The following METTL25 variants were observed in gnomAD, a reference collection of about 807,000 sequenced individuals.
METTL25 encodes probable methyltransferase-like protein 25.
METTL25 carries 64 observed loss-of-function variants against 71.6 expected under a neutral mutation model. That is an observed-to-expected ratio of 0.89 (90% CI 0.73 to 1.10). The LOEUF is 1.10. METTL25 is among the 50% of genes least tolerant of loss of function. The pLI, the probability that METTL25 is intolerant of heterozygous loss-of-function variation, is 0.00. For synonymous variants in METTL25, 287 were observed against 250.3 expected (o/e 1.15, Z -1.38); for missense variants, 807 against 707.0 (o/e 1.14, Z -1.60).
chr12:82,361,765 G>A (rs1328764850), intron 1 of METTL25, among the ~76,000 whole-genome samples: 3 of 152,188 alleles, frequency 2.0e-5, no homozygotes, highest in Non-Finnish European at 4.4e-5. Context: ...GCCAGCAAGC[G>A]TGGCGCGCAG....
At chr12:82,471,734 C>G (rs892121882) in intron 9 of METTL25, among the ~76,000 whole-genome samples, 3 of 152,154 alleles carry the variant, frequency 2.0e-5, no homozygotes, top group African/African-American at 7.2e-5. Flanking sequence ...GTTTGGAGAA[C>G]TTATTTAAAA....
intron 1 of METTL25, among the ~76,000 whole-genome samples, chr12:82,367,003 T>C (rs973941240): frequency 7.2e-5 from 11 of 152,230 alleles, no homozygotes; most frequent in Admixed American, 3.9e-4. Context: ...ATTTTTCTTT[T>C]TGTCTGTTTG....
At position 82,358,625 on chromosome 12, in the gene METTL25, G is replaced by A; in HGVS notation, c.60G>A (p.Leu20=). The change falls in exon 1 of 12, where the codon TTG becomes TTA. Residue 20 remains leucine, a synonymous_variant. Coordinates refer to ENST00000248306, the MANE Select transcript of METTL25 (RefSeq NM_032230.3). ...TPDLPTLRAK[L]QGLLQFLRDA... ...ACCTGCCCACGCTGCGTGCCAAGTT[G>A]CAGGGACTGCTGCAGTTCCTGAGGG... 2.5e-6 allele frequency: 4 copies of A among 1,613,970 alleles called. No homozygotes were observed. Among genetic ancestry groups the A allele is most frequent in the Non-Finnish European group, 3.4e-6 (4 of 1,180,042 alleles).
At chr12:82,440,303 G>T (rs11115276) in intron 8 of METTL25, among the ~76,000 whole-genome samples, 3 of 151,690 alleles carry the variant, frequency 2.0e-5, no homozygotes, top group African/African-American at 7.3e-5. Context: ...CTCTTTTTCA[G>T]AAGTCCACAT....
chr12:82,381,155 T>C (rs1192489878), intron 1 of METTL25, among the ~76,000 whole-genome samples: 2 of 152,258 alleles, frequency 1.3e-5, no homozygotes, highest in Admixed American at 1.3e-4. Context: ...AACTTATACA[T>C]GGTAGGTACC....
At chr12:82,372,859 C>T (rs577864309) in intron 1 of METTL25, among the ~76,000 whole-genome samples, 4 of 152,238 alleles carry the variant, frequency 2.6e-5, no homozygotes, top group South Asian at 2.1e-4. Flanking sequence ...CACTCGCCGA[C>T]GTAGCAGCAG....
At chr12:82,465,133 G>A (rs1892144318) in intron 9 of METTL25, among the ~76,000 whole-genome samples, 1 of 151,754 alleles carries the variant, frequency 6.6e-6, no homozygotes, top group African/African-American at 2.4e-5. Context: ...AGAACTTCCA[G>A]TACTGTGTTG....
At chr12:82,401,477 T>C (rs1461177511) in intron 4 of METTL25, among the ~76,000 whole-genome samples, 1 of 152,088 alleles carries the variant, frequency 6.6e-6, no homozygotes, top group East Asian at 1.9e-4. Context: ...GTACTGTTAT[T>C]ATCTCCATCT....
intron 1 of METTL25, among the ~76,000 whole-genome samples, chr12:82,361,486 C>T (rs536509503): frequency 3.3e-4 from 50 of 152,208 alleles, no homozygotes; most frequent in African/African-American, 1.2e-3. Context: ...GTTGGGGAGG[C>T]TTGGGCTACG....
chr12:82,393,369 G>A (rs1885775183), intron 3 of METTL25, among the ~76,000 whole-genome samples: 1 of 151,604 alleles, frequency 6.6e-6, no homozygotes, highest in African/African-American at 2.4e-5. Context: ...TATTCCTAGG[G>A]ATCTTATTTT....
chr12:82,427,524 C>T (rs972818335), intron 5 of METTL25, among the ~76,000 whole-genome samples: 1 of 151,882 alleles, frequency 6.6e-6, no homozygotes, highest in African/African-American at 2.4e-5. Flanking sequence ...TTTAGATTAT[C>T]ACTGAGGGAA....
intron 1 of METTL25, 92 bp from the exon 2 acceptor site, chr12:82,386,711 A>T: frequency 1.0e-6 from 1 of 997,098 alleles, no homozygotes; most frequent in Non-Finnish European, 1.5e-6. Flanking sequence ...GGCATTTGTT[A>T]TACAAATTAA....
At chr12:82,366,575 A>G (rs774712617) in intron 1 of METTL25, among the ~76,000 whole-genome samples, 1 of 127,482 alleles carries the variant, frequency 7.8e-6, no homozygotes, top group Non-Finnish European at 1.9e-5. Flanking sequence ...GCTTGTCTTT[A>G]TTTTTTTTTT....
intron 5 of METTL25, among the ~76,000 whole-genome samples, chr12:82,420,281 A>G (rs1004940908): frequency 6.6e-6 from 1 of 152,180 alleles, no homozygotes; most frequent in African/African-American, 2.4e-5. Flanking sequence ...TACAGGGGCT[A>G]TGATTCACAG....
intron 8 of METTL25, among the ~76,000 whole-genome samples, chr12:82,446,885 G>A (rs905651748): frequency 6.6e-6 from 1 of 152,064 alleles, no homozygotes; most frequent in Non-Finnish European, 1.5e-5. Flanking sequence ...CCAAAGTGCT[G>A]GGATTACAGG....
At chr12:82,459,240 C>T (rs1321942527) in intron 9 of METTL25, among the ~76,000 whole-genome samples, 1 of 152,148 alleles carries the variant, frequency 6.6e-6, no homozygotes, top group African/African-American at 2.4e-5. Flanking sequence ...TTCTAATGGA[C>T]AAGGTAGATA....
intron 9 of METTL25, among the ~76,000 whole-genome samples, chr12:82,469,440 AAGG>A (rs1161683601): frequency 6.6e-6 from 1 of 152,000 alleles, no homozygotes; most frequent in Non-Finnish European, 1.5e-5. Context: ...CCCCAATAGG[AAGG>A]AGAAGAATGA....
chr12:82,362,065 G>A (rs1283883532), intron 1 of METTL25, among the ~76,000 whole-genome samples: 1 of 152,204 alleles, frequency 6.6e-6, no homozygotes, highest in Non-Finnish European at 1.5e-5. Context: ...CAGATGTTCG[G>A]CACAATCATT....
chr12:82,447,779 T>TA (rs1375164390), intron 8 of METTL25, among the ~76,000 whole-genome samples: 6 of 152,240 alleles, frequency 3.9e-5, no homozygotes, highest in Non-Finnish European at 8.8e-5. Flanking sequence ...CTTTATGCCT[T>TA]ACACATGTTT....
Sources: gnomAD v4.1 joint callset for allele counts (sites outside exome capture counted in the v4.1 genomes callset) on GRCh38, gnomAD v4.1.1 for gene constraint, MANE v1.5 for transcripts, NCBI Gene and HGNC (gene_info 2026-07-23, HGNC 2026-07-21) for gene names.